The following CCDC38 variants were observed in gnomAD, a reference collection of about 807,000 sequenced individuals.
CCDC38 encodes the protein coiled-coil domain containing 38.
A neutral mutation model predicts 72.8 loss-of-function variants in CCDC38; 69 were observed. The observed-to-expected ratio is 0.95, with a 90% CI of 0.78 to 1.16. The LOEUF (loss-of-function observed/expected upper bound fraction) is 1.16, where lower values mean the gene tolerates loss of function less well. CCDC38 is among the 50% of genes most tolerant of loss of function. CCDC38 has a pLI of 0.00. For synonymous variants in CCDC38, 201 were observed against 213.2 expected (o/e 0.94, Z 0.50); for missense variants, 626 against 638.9 (o/e 0.98, Z 0.22).
chr12:95,895,695 G>C (rs2079879417), intron 7 of CCDC38, among the ~76,000 whole-genome samples: 1 of 149,786 alleles, frequency 6.7e-6, no homozygotes, highest in South Asian at 2.1e-4. Context: ...AGAGGTTGCA[G>C]TGGGCCGAGA....
At chr12:95,942,262 A>T (rs1351317173) in intron 1 of CCDC38, among the ~76,000 whole-genome samples, 169 bp downstream of exon 1, 1 of 152,174 alleles carries the variant, frequency 6.6e-6, no homozygotes, top group Non-Finnish European at 1.5e-5. Flanking sequence ...CAGTGTTTCC[A>T]TAGCAATTGG....
rs548965654 is a variant in CCDC38, at chr12:95,931,139, G to C, written c.37+5334C>G. On this transcript the variant is annotated intron_variant, in intron 2 of 15. Coordinates refer to ENST00000344280, the MANE Select transcript of CCDC38 (RefSeq NM_182496.3). ...ATGAGTCCTTTGAGCATAAAATCAGGATGTTGATAGAGCTGTGTTCCTTCT... is the reference window on the plus strand; with the variant it reads ...ATGAGTCCTTTGAGCATAAAATCAGCATGTTGATAGAGCTGTGTTCCTTCT... 5.3e-5 allele frequency among the ~76,000 whole-genome samples: 8 copies of C among 152,252 alleles called. No homozygotes were observed. In the South Asian group the frequency reaches 1.7e-3, roughly 32 times the overall value.
At position 95,942,539 on chromosome 12, in the gene CCDC38, C is replaced by T. The variant is rs1279647867; in HGVS notation, c.-123G>A. 2.0e-5 allele frequency: 3 copies of T among 152,264 alleles called. No individual in the cohort carries two copies. The highest frequency in any genetic ancestry group is 7.2e-5 in the African/African-American group (3 of 41,452). The allele number at this position is 152,264 out of a possible 1,614,324, so 9.4% of individuals were successfully genotyped here. ...TCCTCCAGTCTCGGCTCTATCCTCC[C>T]CCAGCCCGGTTCCCGGTCATCTCAG... On this transcript the variant is annotated 5_prime_UTR_variant, in exon 1 of 16. Coordinates refer to ENST00000344280, the MANE Select transcript of CCDC38 (RefSeq NM_182496.3).
At chr12:95,877,474 A>T (rs1254479087) in intron 13 of CCDC38, among the ~76,000 whole-genome samples, 2 of 152,170 alleles carry the variant, frequency 1.3e-5, no homozygotes, top group East Asian at 1.9e-4. Flanking sequence ...CCCAACCCTC[A>T]GTTTGGTCCC....
chr12:95,899,497 C>T (rs1215547342), intron 5 of CCDC38, among the ~76,000 whole-genome samples: 1 of 152,056 alleles, frequency 6.6e-6, no homozygotes, highest in African/African-American at 2.4e-5. Context: ...ATGGTTTTTG[C>T]CATGTCAGCC....
Position 95,898,645 on chromosome 12 carries a change from T to C in CCDC38, c.456A>G (p.Lys152=). The C allele has an allele frequency of 6.2e-7, 1 of 1,614,216 alleles. No homozygotes were observed. The highest frequency in any genetic ancestry group is 8.5e-7 in the Non-Finnish European group (1 of 1,180,032). Reference sequence around the variant, plus strand: ...AGGCCAGTGCATCATCTTGGAGCTTTTTCTCTGCTTTTTTTAGTTGCCGTT... The same window carrying C: ...AGGCCAGTGCATCATCTTGGAGCTTCTTCTCTGCTTTTTTTAGTTGCCGTT... The part of the protein sequence containing the change: ...MRERQLKKAE[K]KLQDDALAFE... Residue 152 remains lysine (K), a synonymous_variant, in exon 6 of 16, where the codon AAA becomes AAG. Coordinates refer to ENST00000344280, the MANE Select transcript of CCDC38 (RefSeq NM_182496.3).
At chr12:95,925,641 A>G (rs556636251) in intron 2 of CCDC38, among the ~76,000 whole-genome samples, 38 of 152,252 alleles carry the variant, frequency 2.5e-4, no homozygotes, top group African/African-American at 9.2e-4. Flanking sequence ...GAATGCTTCC[A>G]GTTTTTGCCC....
chr12:95,931,138 G>A (rs950458694), intron 2 of CCDC38, among the ~76,000 whole-genome samples: 6 of 152,148 alleles, frequency 3.9e-5, no homozygotes, highest in Non-Finnish European at 8.8e-5. Context: ...CATAAAATCA[G>A]GATGTTGATA....
chr12:95,872,517 C>A lies in CCDC38; in HGVS notation c.1279-57G>T, dbSNP rs535700967. On this transcript the variant is annotated intron_variant, in intron 13 of 15. Transcript: ENST00000344280. ...TCACATTCCACATTCAATAAATATA[C>A]CATTTTACTATATTACAGTAAAATC... 197 of 1,092,068 alleles carry A rather than the reference C, an allele frequency of 1.8e-4. 1 individual carries two copies. The Middle Eastern group carries it at 5.1e-3, about 28-fold the overall frequency. 67.6% of individuals were successfully genotyped at this position (1,092,068 alleles called of 1,614,324 possible).
chr12:95,895,433 GT>G (rs1326291292), intron 7 of CCDC38, among the ~76,000 whole-genome samples: 7 of 152,158 alleles, frequency 4.6e-5, no homozygotes, highest in African/African-American at 1.7e-4. Flanking sequence ...ACTGTATTAA[GT>G]TTTAGATATA....
chr12:95,940,855 C>A (rs2080441988), intron 1 of CCDC38, among the ~76,000 whole-genome samples: 1 of 147,556 alleles, frequency 6.8e-6, no homozygotes, highest in Non-Finnish European at 1.5e-5. Flanking sequence ...TTTCTGACTG[C>A]CCCTTTTGCG....
chr12:95,875,840 T>C lies in CCDC38; in HGVS notation c.1278+2371A>G, dbSNP rs534161235. On this transcript the variant is annotated intron_variant, in intron 13 of 15. Coordinates refer to ENST00000344280, the MANE Select transcript of CCDC38 (RefSeq NM_182496.3). ...AAGGAATTTTACGTCAATTCTACTT[T>C]CTTTCTTTAGGTATCTGGTTGCCTC... Among the ~76,000 whole-genome samples, 29 of 152,348 alleles carry C rather than the reference T, an allele frequency of 1.9e-4. No individual in the cohort carries two copies. In the South Asian group the frequency reaches 5.8e-3, roughly 30 times the overall value.
At chr12:95,902,145 G>A (rs989586264) in intron 5 of CCDC38, among the ~76,000 whole-genome samples, 3 of 152,024 alleles carry the variant, frequency 2.0e-5, no homozygotes, top group African/African-American at 7.2e-5. Flanking sequence ...CCAGCAGAGA[G>A]GGAAAAATAA....
chr12:95,900,200 C>G (rs1196553367), intron 5 of CCDC38, among the ~76,000 whole-genome samples: 1 of 152,130 alleles, frequency 6.6e-6, no homozygotes, highest in Non-Finnish European at 1.5e-5. Flanking sequence ...GCAAAGAGAC[C>G]ACCAAGGCTG....
intron 5 of CCDC38, chr12:95,903,628 T>C (rs1034216724): frequency 1.5e-5 from 8 of 543,158 alleles, no homozygotes; most frequent in Non-Finnish European, 2.6e-5. Flanking sequence ...GAGTGGTTTT[T>C]CTGCATCAAT....
At chr12:95,902,839 G>T (rs2079963971) in intron 5 of CCDC38, among the ~76,000 whole-genome samples, 1 of 152,114 alleles carries the variant, frequency 6.6e-6, no homozygotes, top group Non-Finnish European at 1.5e-5. Context: ...TAGCATTTTA[G>T]ATCCTTCATA....
intron 2 of CCDC38, among the ~76,000 whole-genome samples, chr12:95,928,931 G>A (rs1592805190): frequency 6.6e-6 from 1 of 152,196 alleles, no homozygotes. Flanking sequence ...GAGAACCACT[G>A]CTCTCTTCAA....
intron 8 of CCDC38, among the ~76,000 whole-genome samples, chr12:95,891,681 A>G (rs562393765): frequency 6.6e-6 from 1 of 151,394 alleles, no homozygotes; most frequent in African/African-American, 2.4e-5. Context: ...GTTGAATGCA[A>G]ATACTTCTTG....
At chr12:95,889,901 A>G (rs2079804843) in intron 9 of CCDC38, among the ~76,000 whole-genome samples, 1 of 114,958 alleles carries the variant, frequency 8.7e-6, no homozygotes, top group East Asian at 2.0e-4. Context: ...ATTTTACTTT[A>G]TTTATTTATT....
Sources: allele counts gnomAD v4.1 joint callset (sites outside exome capture counted in the v4.1 genomes callset), GRCh38; gene constraint gnomAD v4.1.1; transcripts MANE v1.5; gene names NCBI Gene and HGNC (gene_info 2026-07-23, HGNC 2026-07-21).